NT5E: variants seen among roughly 807,000 people sequenced by gnomAD.
NT5E encodes the protein 5'-nucleotidase.
Under a neutral mutation model 55.1 loss-of-function variants are expected in NT5E, and 53 were observed. That is an observed-to-expected ratio of 0.96 (90% CI 0.77 to 1.21). The LOEUF (loss-of-function observed/expected upper bound fraction) is 1.21, where lower values mean the gene tolerates loss of function less well. Among genes scored for constraint, NT5E ranks in the 50% most tolerant of loss-of-function variants. The probability of loss-of-function intolerance (pLI) is 0.00; values close to 1 mark genes in which losing one functional copy is unlikely to be tolerated. For synonymous variants in NT5E, 270 were observed against 278.4 expected (o/e 0.97, Z 0.30); for missense variants, 683 against 724.3 (o/e 0.94, Z 0.65).
chr6:85,462,648 C>G (rs936773786), intron 1 of NT5E, among the ~76,000 whole-genome samples: 2 of 152,216 alleles, frequency 1.3e-5, no homozygotes, highest in Non-Finnish European at 2.9e-5. Context: ...GGCACCAGTG[C>G]CCAGCAGATG....
Position 85,494,246 on chromosome 6 carries a change from G to A in NT5E, c.*242G>A, listed in dbSNP as rs753532562. On this transcript the variant is annotated 3_prime_UTR_variant, in exon 9 of 9. Coordinates refer to ENST00000257770, the MANE Select transcript of NT5E (RefSeq NM_002526.4). ...AGAAAGCCAACTATGTTAAGTTTACGTGTCCAAATTTTAATGAAATTTTAC... is the reference window on the plus strand; with the variant it reads ...AGAAAGCCAACTATGTTAAGTTTACATGTCCAAATTTTAATGAAATTTTAC... The A allele has an allele frequency of 5.6e-5, 28 of 496,414 alleles. No individual in the cohort carries two copies. The highest frequency in any genetic ancestry group is 1.3e-4 in the East Asian group (4 of 30,292). The allele number at this position is 496,414 out of a possible 1,614,324, so 30.8% of individuals were successfully genotyped here.
At chr6:85,466,925 C>T in intron 1 of NT5E, 135 bp from the exon 2 acceptor site, 2 of 816,276 alleles carry the variant, frequency 2.5e-6, no homozygotes, top group Non-Finnish European at 4.1e-6. Flanking sequence ...CTGAATGTCC[C>T]TGGGCCTGAC....
chr6:85,455,110 C>T (rs1017666797), intron 1 of NT5E, among the ~76,000 whole-genome samples: 2 of 152,334 alleles, frequency 1.3e-5, no homozygotes, highest in East Asian at 3.9e-4. Flanking sequence ...CATGTGGTTT[C>T]TGCGTAGAAG....
intron 1 of NT5E, among the ~76,000 whole-genome samples, chr6:85,465,606 G>A (rs1769178075): frequency 6.6e-6 from 1 of 152,178 alleles, no homozygotes; most frequent in Non-Finnish European, 1.5e-5. Flanking sequence ...GAATTTAATA[G>A]GGGAGACAAG....
chr6:85,459,775 C>A (rs1026921175), intron 1 of NT5E, among the ~76,000 whole-genome samples: 3 of 152,182 alleles, frequency 2.0e-5, no homozygotes, highest in Non-Finnish European at 4.4e-5. Flanking sequence ...GGGTATTTGT[C>A]AATATTTACA....
chr6:85,483,770 G>C (rs550308635), intron 3 of NT5E, among the ~76,000 whole-genome samples: 1 of 152,334 alleles, frequency 6.6e-6, no homozygotes, highest in South Asian at 2.1e-4. Context: ...TATGTGAAAA[G>C]AGAAGCCCAG....
At chr6:85,470,174 T>G (rs1474520639) in intron 2 of NT5E, among the ~76,000 whole-genome samples, 1 of 152,196 alleles carries the variant, frequency 6.6e-6, no homozygotes, top group African/African-American at 2.4e-5. Flanking sequence ...GCAGTCATCT[T>G]CATGCCAGTG....
intron 1 of NT5E, among the ~76,000 whole-genome samples, chr6:85,454,118 G>A (rs1768944501): frequency 6.6e-6 from 1 of 152,080 alleles, no homozygotes; most frequent in Admixed American, 6.6e-5. Flanking sequence ...CTGCTCCCTG[G>A]CTGATGGGTT....
intron 1 of NT5E, among the ~76,000 whole-genome samples, chr6:85,455,515 G>T (rs1456067884): frequency 6.6e-6 from 1 of 152,216 alleles, no homozygotes; most frequent in Admixed American, 6.5e-5. Context: ...GCTCCGCATT[G>T]CCCCCATATC....
Position 85,491,846 on chromosome 6 carries a change from A to G in NT5E, c.1361-131A>G. ...CTGCAATGTCACAATTCTCTTGACA[A>G]AATTTCACTCAGGTTTAAACCAAAG... On this transcript the variant is annotated intron_variant, in intron 7 of 8. Transcript: ENST00000257770. The G allele has an allele frequency of 3.8e-6, 3 of 795,684 alleles. No homozygotes were observed. In the East Asian group the frequency reaches 7.6e-5, roughly 20 times the overall value. The allele number at this position is 795,684 out of a possible 1,614,324, so 49.3% of individuals were successfully genotyped here. A position where few individuals can be genotyped will look rare whatever the true frequency, so the allele number is the denominator to read the frequency against.
intron 1 of NT5E, among the ~76,000 whole-genome samples, chr6:85,455,361 C>T (rs1001004536): frequency 2.0e-5 from 3 of 152,178 alleles, no homozygotes; most frequent in African/African-American, 7.2e-5. Flanking sequence ...TTGGAACTTT[C>T]GGTACCACCC....
At chr6:85,475,532 G>A (rs1286320786) in intron 3 of NT5E, among the ~76,000 whole-genome samples, 1 of 152,162 alleles carries the variant, frequency 6.6e-6, no homozygotes, top group African/African-American at 2.4e-5. Flanking sequence ...ACAAAGATAA[G>A]AGCTAAAATG....
At chr6:85,451,339 G>T (rs559026046) in intron 1 of NT5E, among the ~76,000 whole-genome samples, 1 of 152,180 alleles carries the variant, frequency 6.6e-6, no homozygotes, top group African/African-American at 2.4e-5. Context: ...TTTAGGAAGA[G>T]TCCAACTTAA....
intron 1 of NT5E, among the ~76,000 whole-genome samples, chr6:85,464,191 C>G (rs1351915228): frequency 6.6e-6 from 1 of 151,578 alleles, no homozygotes; most frequent in Non-Finnish European, 1.5e-5. Context: ...CCCAGCTCCC[C>G]CTTACAAATT....
chr6:85,468,657 G>T (rs1769242877), intron 2 of NT5E, among the ~76,000 whole-genome samples: 1 of 152,212 alleles, frequency 6.6e-6, no homozygotes, highest in South Asian at 2.1e-4. Flanking sequence ...CCTGGAGCAT[G>T]GGTTCTGACT....
In NT5E at chr6:85,492,178, G is replaced by C. The variant is rs1214281197; in HGVS notation, c.1561+1G>C. ...GATGAATTATTAAGACATGACTCTG[G>C]TAAGCATGACTGTCTCTTCCTTTCT... On this transcript the variant is annotated splice_donor_variant, in intron 8 of 8. Transcript: ENST00000257770. LOFTEE classifies it high-confidence loss of function. 2 of 1,613,562 alleles carry C rather than the reference G, an allele frequency of 1.2e-6. No individual in the cohort carries two copies. The highest frequency in any genetic ancestry group is 2.7e-5 in the African/African-American group (2 of 74,904).
rs963493435 is a variant in NT5E at position 85,494,950 on chromosome 6, G to A, written c.*946G>A. 2.0e-5 allele frequency: 3 copies of A among 152,064 alleles called. No individual in the cohort carries two copies. In the East Asian group the frequency reaches 5.8e-4, roughly 29 times the overall value. 9.4% of individuals were successfully genotyped at this position (152,064 alleles called of 1,614,324 possible). A position where few individuals can be genotyped will look rare whatever the true frequency, so the allele number is the denominator to read the frequency against. ...CACGGCATTAGCTGTTATTTTATGA[G>A]ATTCCATCAGCTCTGCCTCTGTCCT... On this transcript the variant is annotated 3_prime_UTR_variant, in exon 9 of 9. Transcript: ENST00000257770.
Position 85,471,403 on chromosome 6 carries a change from C to T in NT5E, c.729C>T (p.His243=). Residue 243 remains histidine, a synonymous_variant, in exon 3 of 9, where the codon CAC becomes CAT. Coordinates refer to ENST00000257770, the MANE Select transcript of NT5E (RefSeq NM_002526.4). ...GTGTGGACGTCGTGGTGGGAGGACA[C>T]TCCAACACATTTCTTTACACAGGTA... ...VRGVDVVVGG[H]SNTFLYTGNP... 6.2e-7 allele frequency: 1 copy of T among 1,612,812 alleles called. No homozygotes were observed. Among genetic ancestry groups the T allele is most frequent in the Admixed American group, 1.7e-5 (1 of 59,974 alleles).
chr6:85,459,210 C>G (rs1041335189), intron 1 of NT5E, among the ~76,000 whole-genome samples: 1 of 152,172 alleles, frequency 6.6e-6, no homozygotes, highest in Non-Finnish European at 1.5e-5. Context: ...GCAATCATCC[C>G]TTCTTGCCTC....
Sources: allele counts gnomAD v4.1 joint callset (sites outside exome capture counted in the v4.1 genomes callset), GRCh38; gene constraint gnomAD v4.1.1; transcripts MANE v1.5; gene names NCBI Gene and HGNC (gene_info 2026-07-23, HGNC 2026-07-21).